Variants in HMGCLL1 observed in about 807,000 individuals in gnomAD.
The protein encoded by HMGCLL1 is 3-hydroxymethyl-3-methylglutaryl-CoA lyase, cytoplasmic.
A neutral mutation model predicts 39.1 loss-of-function variants in HMGCLL1; 36 were observed. That is an observed-to-expected ratio of 0.92 (90% confidence interval 0.71 to 1.22). The LOEUF (loss-of-function observed/expected upper bound fraction) is 1.22, where lower values mean the gene tolerates loss of function less well. HMGCLL1 is among the 50% of genes most tolerant of loss of function. HMGCLL1 has a pLI of 0.00. For synonymous variants in HMGCLL1, 149 were observed against 144.0 expected (o/e 1.03, Z -0.25); for missense variants, 451 against 416.5 (o/e 1.08, Z -0.72).
chr6:55,649,534 T>C, the HMGCLL1 span, among the ~76,000 whole-genome samples: 2 of 151,982 alleles, frequency 1.3e-5, no homozygotes, highest in Non-Finnish European at 2.9e-5. Flanking sequence ...CGTCAGGAAT[T>C]TGATTATTAA....
At chr6:55,539,149 A>G (rs979438558) in intron 3 of HMGCLL1, among the ~76,000 whole-genome samples, 3 of 152,180 alleles carry the variant, frequency 2.0e-5, no homozygotes, top group African/African-American at 7.2e-5. Context: ...TTAATTTAGC[A>G]GTAGCTTCCA....
At chr6:55,585,802 T>TGCC in the HMGCLL1 span, among the ~76,000 whole-genome samples, 1 of 152,024 alleles carries the variant, frequency 6.6e-6, no homozygotes, top group African/African-American at 2.4e-5. Context: ...AATTTAATAC[T>TGCC]CAATAGCTAA....
intron 3 of HMGCLL1, among the ~76,000 whole-genome samples, chr6:55,532,846 AATAATAAT>A (rs1273047405): frequency 7.4e-6 from 1 of 134,518 alleles, no homozygotes; most frequent in Non-Finnish European, 1.6e-5. Context: ...TAATAATAAT[AATAATAAT>A]AGTTTCCACC....
intron 7 of HMGCLL1, among the ~76,000 whole-genome samples, chr6:55,476,801 G>T (rs1195521415): frequency 6.6e-6 from 1 of 151,296 alleles, no homozygotes; most frequent in Non-Finnish European, 1.5e-5. Flanking sequence ...GATTTGGCTA[G>T]GAGTTTCTTT....
At chr6:55,526,187 C>T (rs1181579445) in intron 3 of HMGCLL1, among the ~76,000 whole-genome samples, 2 of 151,966 alleles carry the variant, frequency 1.3e-5, no homozygotes, top group African/African-American at 4.8e-5. Flanking sequence ...TATTGAAGTG[C>T]TCCCAGCTTG....
At chr6:55,558,296 G>C (rs1464242056) in intron 1 of HMGCLL1, among the ~76,000 whole-genome samples, 1 of 152,166 alleles carries the variant, frequency 6.6e-6, no homozygotes, top group Non-Finnish European at 1.5e-5. Flanking sequence ...TTAAATACTT[G>C]TGGGTTATCG....
intron 7 of HMGCLL1, among the ~76,000 whole-genome samples, chr6:55,455,609 T>G (rs916409882): frequency 6.6e-6 from 1 of 152,152 alleles, no homozygotes; most frequent in Non-Finnish European, 1.5e-5. Flanking sequence ...AGTTGCATAG[T>G]TCAAGATCAT....
the HMGCLL1 span, among the ~76,000 whole-genome samples, chr6:55,611,615 A>G: frequency 6.6e-6 from 1 of 152,178 alleles, no homozygotes; most frequent in Non-Finnish European, 1.5e-5. Flanking sequence ...CTTATCCACC[A>G]TGATATACTC....
Position 55,541,894 on chromosome 6 carries a change from C to T in HMGCLL1, c.190-58G>A, listed in dbSNP as rs949383419. 1.0e-5 allele frequency: 11 copies of T among 1,080,262 alleles called. No individual in the cohort carries two copies. In the Admixed American group the frequency reaches 2.4e-4, roughly 24 times the overall value. 66.9% of individuals were successfully genotyped at this position (1,080,262 alleles called of 1,614,324 possible). On this transcript the variant is annotated intron_variant, in intron 2 of 8. Transcript: ENST00000274901. ...TGTATAGGTCCTATTTAAGCACAAA[C>T]AGAAAATTACTTCCTAAGTCAAAGT...
chr6:55,609,825 A>T, the HMGCLL1 span, among the ~76,000 whole-genome samples: 3 of 152,072 alleles, frequency 2.0e-5, no homozygotes, highest in Non-Finnish European at 4.4e-5. Flanking sequence ...GGGAAGGAGG[A>T]AGCACCTGTC....
At chr6:55,474,591 A>T (rs1408069828) in intron 7 of HMGCLL1, among the ~76,000 whole-genome samples, 1 of 151,502 alleles carries the variant, frequency 6.6e-6, no homozygotes, top group African/African-American at 2.4e-5. Context: ...TCCCTGTCTC[A>T]TCATTCCAAT....
chr6:55,439,804 AG>A (rs1311423768), intron 7 of HMGCLL1: 1 of 356,238 alleles, frequency 2.8e-6, no homozygotes, highest in African/African-American at 2.1e-5. Context: ...TTTGATCAAA[AG>A]TAAAATGGTG....
At chr6:55,512,591 G>C (rs984972431) in intron 5 of HMGCLL1, 5 of 152,034 alleles carry the variant, frequency 3.3e-5, no homozygotes, top group Admixed American at 2.6e-4. Context: ...TACTATGGAG[G>C]ACAGGAAAAA....
chr6:55,675,036 G>A, the HMGCLL1 span, among the ~76,000 whole-genome samples: 1 of 152,064 alleles, frequency 6.6e-6, no homozygotes, highest in Non-Finnish European at 1.5e-5. Flanking sequence ...CTGGAAGAAG[G>A]AAAGAAAAAC....
intron 3 of HMGCLL1, among the ~76,000 whole-genome samples, chr6:55,536,223 T>TA (rs901344988): frequency 6.6e-6 from 1 of 152,272 alleles, no homozygotes; most frequent in Middle Eastern, 3.4e-3. Flanking sequence ...CTACTTTTAT[T>TA]AAAAAAATCT....
intron 1 of HMGCLL1, among the ~76,000 whole-genome samples, chr6:55,552,368 G>A (rs988614035): frequency 1.3e-5 from 2 of 151,970 alleles, no homozygotes; most frequent in Non-Finnish European, 2.9e-5. Flanking sequence ...TCTCAATAGA[G>A]CTACCTACTC....
intron 7 of HMGCLL1, among the ~76,000 whole-genome samples, chr6:55,459,696 T>A (rs1428420567): frequency 6.6e-6 from 1 of 152,024 alleles, no homozygotes; most frequent in Non-Finnish European, 1.5e-5. Flanking sequence ...CAAATAAGAG[T>A]AAGATGCAGT....
chr6:55,629,264 T>C, the HMGCLL1 span, among the ~76,000 whole-genome samples: 1 of 152,134 alleles, frequency 6.6e-6, no homozygotes, highest in East Asian at 1.9e-4. Context: ...AGGTGACTCT[T>C]GTTATGTTCT....
chr6:55,592,293 A>T, the HMGCLL1 span, among the ~76,000 whole-genome samples: 461 of 152,100 alleles, frequency 3.0e-3, 3 homozygotes, highest in African/African-American at 0.01. Flanking sequence ...CTATTCTCTC[A>T]GAAACTTTTC....
Sources: allele counts gnomAD v4.1 joint callset (sites outside exome capture counted in the v4.1 genomes callset), GRCh38; gene constraint gnomAD v4.1.1; transcripts MANE v1.5; gene names NCBI Gene and HGNC (gene_info 2026-07-23, HGNC 2026-07-21).